MAP3K5: variants seen among roughly 807,000 people sequenced by gnomAD.
MAP3K5 encodes mitogen-activated protein kinase kinase kinase 5, also known as ASK-1.
In MAP3K5, 56 loss-of-function variants were observed where a neutral mutation model predicts 158.7. The ratio of observed to expected loss-of-function variants is 0.35; its 90% CI spans 0.28 to 0.44. The LOEUF is 0.44. MAP3K5 is among the 20% of genes least tolerant of loss of function. The pLI is 1.00. For missense variants in MAP3K5, 1,294 were observed against 1,674.8 expected, an observed-to-expected ratio of 0.77 and a Z score of 3.97; for synonymous variants, 579 against 601.7, an observed-to-expected ratio of 0.96 and a Z score of 0.55.
chr6:136,766,194 A>G (rs932316670), intron 1 of MAP3K5, among the ~76,000 whole-genome samples: 1 of 152,234 alleles, frequency 6.6e-6, no homozygotes, highest in African/African-American at 2.4e-5. Context: ...GACTGAGTGT[A>G]TAAACACTAA....
intron 1 of MAP3K5, among the ~76,000 whole-genome samples, chr6:136,790,637 T>C (rs1261504289): frequency 1.3e-5 from 2 of 152,234 alleles, no homozygotes; most frequent in Non-Finnish European, 2.9e-5. Flanking sequence ...CTTCAGGTGT[T>C]TGGAAGACAC....
intron 3 of MAP3K5, among the ~76,000 whole-genome samples, chr6:136,701,584 G>A (rs4243449): frequency 0.45 from 68,210 of 151,970 alleles, 16,003 homozygotes; most frequent in South Asian, 0.61. Context: ...CAGCACATCC[G>A]CCCAATTTAA....
intron 3 of MAP3K5, among the ~76,000 whole-genome samples, chr6:136,703,036 A>T (rs7766700): frequency 0.47 from 71,589 of 150,722 alleles, 17,188 homozygotes; most frequent in South Asian, 0.61. Flanking sequence ...CTTTTTTTTT[A>T]AAAAAACCTC....
At chr6:136,587,462 T>C (rs1201345548) in intron 23 of MAP3K5, among the ~76,000 whole-genome samples, 2 of 152,224 alleles carry the variant, frequency 1.3e-5, no homozygotes, top group Non-Finnish European at 2.9e-5. Context: ...CTATCATAGA[T>C]GAGGAGGTTC....
Position 136,790,352 on chromosome 6 carries a change from C to A in MAP3K5, c.448+1358G>T, listed in dbSNP as rs115930303. Among the ~76,000 whole-genome samples, 536 of 152,274 alleles carry A rather than the reference C, an allele frequency of 3.5e-3. 1 individual carries two copies. The highest frequency in any genetic ancestry group is 0.012 in the African/African-American group (491 of 41,550). ...AGTGTTCAGTTGGGTATTTTCCTCT[C>A]ATATCTTTTAGTTCTTTGAAGTTTC... On this transcript the variant is annotated intron_variant, in intron 1 of 29. Coordinates refer to ENST00000359015, the MANE Select transcript of MAP3K5 (RefSeq NM_005923.4).
chr6:136,701,020 A>G (rs1273899203), intron 3 of MAP3K5, among the ~76,000 whole-genome samples: 1 of 152,234 alleles, frequency 6.6e-6, no homozygotes, highest in Non-Finnish European at 1.5e-5. Flanking sequence ...ATGAACAGTC[A>G]TAAGTCAGTG....
chr6:136,562,523 T>C lies in MAP3K5; in HGVS notation c.3854A>G (p.Lys1285Arg). The change falls in exon 27 of 30, where the codon AAG (lysine) becomes AGG (arginine). Residue 1285 changes from lysine to arginine, a missense_variant. Lys to Arg is a conservative substitution (Grantham distance 26). Around this residue, in one of 5 missense-constraint regions of MAP3K5, gnomAD observed 199 missense variants for 220.3 expected, o/e 0.90. Coordinates refer to ENST00000359015, the MANE Select transcript of MAP3K5 (RefSeq NM_005923.4). ...EEKDQEIKHL[K>R]LKSQPIEIPE... The stretch of plus-strand genomic sequence containing the variant: ...TTCACCTATGGGTTGGGACTTAAGC[T>C]TCAGGTGTTTAATTTCTTGGTCTTT... The C allele has an allele frequency of 1.3e-6, 2 of 1,597,004 alleles. No individual in the cohort carries two copies. Among genetic ancestry groups the C allele is most frequent in the Non-Finnish European group, 1.7e-6 (2 of 1,168,912 alleles).
intron 1 of MAP3K5, among the ~76,000 whole-genome samples, chr6:136,768,021 T>G (rs1354161988): frequency 6.6e-6 from 1 of 152,178 alleles, no homozygotes; most frequent in African/African-American, 2.4e-5. Context: ...AGAATGAAGC[T>G]GGCCCCCTAA....
intron 19 of MAP3K5, among the ~76,000 whole-genome samples, chr6:136,604,063 G>T (rs921354216): frequency 2.0e-5 from 3 of 152,182 alleles, no homozygotes; most frequent in Non-Finnish European, 4.4e-5. Flanking sequence ...GGCTCATGCC[G>T]GTAATCCCAA....
intron 1 of MAP3K5, among the ~76,000 whole-genome samples, chr6:136,746,954 G>GT (rs964048673): frequency 2.9e-4 from 44 of 152,144 alleles, no homozygotes; most frequent in African/African-American, 7.9e-4. Context: ...ATTTTCTTTC[G>GT]TTTTTTTGAG....
intron 7 of MAP3K5, among the ~76,000 whole-genome samples, chr6:136,679,272 A>G (rs1779833432): frequency 6.6e-6 from 1 of 152,238 alleles, no homozygotes; most frequent in Non-Finnish European, 1.5e-5. Context: ...GAAATCAAAA[A>G]TAAAGGAAAT....
intron 23 of MAP3K5, among the ~76,000 whole-genome samples, chr6:136,589,438 T>C (rs1166651588): frequency 6.6e-6 from 1 of 152,134 alleles, no homozygotes; most frequent in Non-Finnish European, 1.5e-5. Context: ...CACAAGAAGC[T>C]TGGGGCTGAG....
intron 25 of MAP3K5, 88 bp downstream of exon 25, chr6:136,580,213 T>G (rs1774807887): frequency 1.1e-6 from 1 of 883,020 alleles, no homozygotes; most frequent in African/African-American, 1.6e-5. Flanking sequence ...GTTTTTAAAG[T>G]ACTAAGGTGA....
At chr6:136,754,767 A>G (rs1051806544) in intron 1 of MAP3K5, among the ~76,000 whole-genome samples, 33 of 152,172 alleles carry the variant, frequency 2.2e-4, no homozygotes, top group Admixed American at 8.5e-4. Flanking sequence ...AGAGGAGCAA[A>G]TCTGCAGAGG....
intron 1 of MAP3K5, among the ~76,000 whole-genome samples, chr6:136,783,039 C>T (rs1400751695): frequency 6.6e-6 from 1 of 152,174 alleles, no homozygotes; most frequent in Non-Finnish European, 1.5e-5. Context: ...CGCAGTGGCC[C>T]ACGCCTGTAA....
intron 1 of MAP3K5, among the ~76,000 whole-genome samples, chr6:136,750,616 T>C (rs1379534699): frequency 1.3e-5 from 2 of 152,238 alleles, no homozygotes; most frequent in East Asian, 3.8e-4. Context: ...CATCTTTAGA[T>C]AGATTTAGAA....
intron 3 of MAP3K5, among the ~76,000 whole-genome samples, chr6:136,701,521 T>C (rs1034618266): frequency 1.3e-5 from 2 of 152,162 alleles, no homozygotes; most frequent in African/African-American, 4.8e-5. Context: ...GAAACAATAA[T>C]TGGAAAAGGG....
At chr6:136,767,299 A>C (rs1415850510) in intron 1 of MAP3K5, among the ~76,000 whole-genome samples, 2 of 152,002 alleles carry the variant, frequency 1.3e-5, no homozygotes, top group African/African-American at 2.4e-5. Flanking sequence ...GGAAGGAGCA[A>C]AGAAATAAAG....
intron 8 of MAP3K5, among the ~76,000 whole-genome samples, chr6:136,659,899 A>T (rs183718730): frequency 6.6e-6 from 1 of 152,332 alleles, no homozygotes; most frequent in East Asian, 1.9e-4. Flanking sequence ...AAACTTTGGT[A>T]AAAAAACAAT....
Sources: allele counts gnomAD v4.1 joint callset (sites outside exome capture counted in the v4.1 genomes callset), GRCh38; gene constraint gnomAD v4.1.1; regional missense constraint gnomAD v4.1.1; transcripts MANE v1.5; gene names NCBI Gene and HGNC (gene_info 2026-07-23, HGNC 2026-07-21).